The following AUTS2 variants were observed in gnomAD, a reference collection of about 807,000 sequenced individuals.
AUTS2 encodes activator of transcription and developmental regulator AUTS2.
A neutral mutation model predicts 112.4 loss-of-function variants in AUTS2; 17 were observed. The ratio of observed to expected loss-of-function variants is 0.15; its 90% CI spans 0.10 to 0.23. The LOEUF (loss-of-function observed/expected upper bound fraction) is 0.23. Ranked by LOEUF, AUTS2 falls within the 10% of genes least tolerant of loss-of-function variation. The pLI, the probability that AUTS2 is intolerant of heterozygous loss-of-function variation, is 1.00. For missense variants in AUTS2, 1,510 were observed against 1,701.6 expected (o/e 0.89, Z 1.98); for synonymous variants, 751 against 702.7 (o/e 1.07, Z -1.09).
chr7:70,307,248 G>A (rs778184528), intron 4 of AUTS2, among the ~76,000 whole-genome samples: 73 of 152,208 alleles, frequency 4.8e-4, no homozygotes, highest in Admixed American at 9.2e-4. Context: ...CCACTAGCAC[G>A]CAGTAGCTCA....
intron 1 of AUTS2, among the ~76,000 whole-genome samples, chr7:69,797,469 C>G (rs1207290962): frequency 6.6e-6 from 1 of 152,172 alleles, no homozygotes; most frequent in Non-Finnish European, 1.5e-5. Context: ...ACGTGAAGCT[C>G]TTAACTCCAT....
intron 1 of AUTS2, chr7:69,824,638 A>T (rs1377288435): frequency 6.6e-6 from 1 of 151,820 alleles, no homozygotes; most frequent in East Asian, 1.9e-4. Context: ...AAGCCACTGG[A>T]GTGTCTGCGT....
intron 5 of AUTS2, among the ~76,000 whole-genome samples, chr7:70,653,277 A>G (rs539481965): frequency 6.6e-6 from 1 of 152,284 alleles, no homozygotes; most frequent in African/African-American, 2.4e-5. Flanking sequence ...TCATACTTTT[A>G]TATTTTCTCT....
At chr7:70,368,768 CAA>C (rs1307575802) in intron 4 of AUTS2, among the ~76,000 whole-genome samples, 1 of 152,076 alleles carries the variant, frequency 6.6e-6, no homozygotes, top group Non-Finnish European at 1.5e-5. Context: ...AAGACCAGAA[CAA>C]TGAGTAGAGC....
chr7:70,483,253 C>G (rs1399703615), intron 5 of AUTS2, among the ~76,000 whole-genome samples: 3 of 152,162 alleles, frequency 2.0e-5, no homozygotes, highest in Non-Finnish European at 4.4e-5. Flanking sequence ...TGAGAGCTCC[C>G]TACCTAGGCT....
At chr7:69,892,602 G>T (rs1229962619) in intron 1 of AUTS2, among the ~76,000 whole-genome samples, 1 of 152,080 alleles carries the variant, frequency 6.6e-6, no homozygotes, top group East Asian at 1.9e-4. Context: ...ATCTTTTGAA[G>T]AGCAAAATTT....
intron 5 of AUTS2, among the ~76,000 whole-genome samples, chr7:70,555,518 A>G (rs1178124018): frequency 6.6e-6 from 1 of 151,982 alleles, no homozygotes; most frequent in Non-Finnish European, 1.5e-5. Context: ...TGGACCTGGG[A>G]CCCTCATATT....
intron 2 of AUTS2, among the ~76,000 whole-genome samples, chr7:69,900,897 A>T (rs1282881542): frequency 1.3e-5 from 2 of 152,182 alleles, no homozygotes; most frequent in African/African-American, 4.8e-5. Flanking sequence ...ACTATGCTAC[A>T]TTCAGTGAGG....
intron 4 of AUTS2, among the ~76,000 whole-genome samples, chr7:70,299,693 G>A (rs1180404888): frequency 6.6e-6 from 1 of 152,038 alleles, no homozygotes; most frequent in African/African-American, 2.4e-5. Context: ...TCTAGCTCAG[G>A]GTTTCCAAAC....
In AUTS2 at chr7:70,698,553, CCTT is replaced by C; in HGVS notation, c.691-12_691-10del. 1 of 1,596,664 alleles carries C rather than the reference CCTT, an allele frequency of 6.3e-7. No individual in the cohort carries two copies. The highest frequency in any genetic ancestry group is 2.2e-5 in the East Asian group (1 of 44,530). ...ATGACAATAATAATGCTTTTTTCCC[CCTT>C]CTTGTTTTTCAGGCATCAGATGCCA... On this transcript the variant is annotated splice_polypyrimidine_tract_variant and intron_variant, in intron 5 of 18. Transcript: ENST00000342771.
chr7:70,790,395 G>T lies in AUTS2; in HGVS notation c.3179G>T (p.Arg1060Leu). ...MGISPLPGGE[R>L]FPYPSFHWDP... is the part of the protein sequence containing the mutation. ...ATCAGCCCCCTCCCGGGCGGAGAGC[G>T]CTTCCCGTACCCTTCTTTCCACTGG... Residue 1060 changes from arginine (R) to leucine (L), a missense_variant, in exon 19 of 19, where the codon CGC (arginine) becomes CTC (leucine). This residue lies in a region of AUTS2 where 788 missense variants were observed against 797.6 expected (regional missense o/e 0.99). Coordinates refer to ENST00000342771, the MANE Select transcript of AUTS2 (RefSeq NM_015570.4). The surrounding 1 kb of genome is among the most constrained non-coding windows in gnomAD (Gnocchi z 7.6). 6.2e-7 allele frequency: 1 copy of T among 1,613,636 alleles called. No individual in the cohort carries two copies. Among genetic ancestry groups the T allele is most frequent in the Non-Finnish European group, 8.5e-7 (1 of 1,179,878 alleles).
In AUTS2 at chr7:70,631,382, C is replaced by T. The variant is rs755035510; in HGVS notation, c.691-67187C>T. ...AAGCATGTGCACATGCGTGTCTGCA[C>T]TGCTGTGTGCGTGTCGGGCATGCTG... On this transcript the variant is annotated intron_variant, in intron 5 of 18. Transcript: ENST00000342771. This position sits in a 1 kb window ranked among gnomAD's most constrained non-coding sequence, Gnocchi z 4.5. Among the ~76,000 whole-genome samples the T allele has an allele frequency of 6.6e-6, 1 of 152,192 alleles. No individual in the cohort carries two copies. Among genetic ancestry groups the T allele is most frequent in the Non-Finnish European group, 1.5e-5 (1 of 68,024 alleles).
chr7:70,284,247 A>G (rs1788356749), intron 4 of AUTS2, among the ~76,000 whole-genome samples: 2 of 152,226 alleles, frequency 1.3e-5, no homozygotes, highest in South Asian at 4.1e-4. Context: ...ATATCATTGT[A>G]TAGTAAAACA....
intron 2 of AUTS2, among the ~76,000 whole-genome samples, chr7:70,042,911 G>C (rs1801309120): frequency 6.6e-6 from 1 of 151,532 alleles, no homozygotes; most frequent in African/African-American, 2.4e-5. Context: ...GAGACATATT[G>C]CAACAATATG....
At chr7:69,695,267 C>T (rs1022486756) in intron 1 of AUTS2, among the ~76,000 whole-genome samples, 8 of 151,940 alleles carry the variant, frequency 5.3e-5, no homozygotes, top group African/African-American at 9.7e-5. Flanking sequence ...AGATCAAGGC[C>T]GCCGTGAACT....
chr7:69,808,880 A>T (rs987626429), intron 1 of AUTS2, among the ~76,000 whole-genome samples: 1 of 152,306 alleles, frequency 6.6e-6, no homozygotes, highest in South Asian at 2.1e-4. Context: ...CATGAGGGGT[A>T]CAGAACCAGG....
chr7:70,631,180 G>A lies in AUTS2; in HGVS notation c.691-67389G>A, dbSNP rs1434953928. Among the ~76,000 whole-genome samples, 3 of 152,134 alleles carry A rather than the reference G, an allele frequency of 2.0e-5. No individual in the cohort carries two copies. Among genetic ancestry groups the A allele is most frequent in the Non-Finnish European group, 4.4e-5 (3 of 68,022 alleles). On this transcript the variant is annotated intron_variant, in intron 5 of 18. Coordinates refer to ENST00000342771, the MANE Select transcript of AUTS2 (RefSeq NM_015570.4). The surrounding 1 kb of genome is among the most constrained non-coding windows in gnomAD (Gnocchi z 4.5). ...TGCCAGCCAGCTCCCACAAAAGCAC[G>A]ATTAAAATGTCAGCACAGGATGACG...
chr7:70,295,640 C>T (rs1443671498), intron 4 of AUTS2, among the ~76,000 whole-genome samples: 1 of 152,156 alleles, frequency 6.6e-6, no homozygotes, highest in Admixed American at 6.5e-5. Flanking sequence ...GTTACTCCAA[C>T]TCAACTGCTC....
At position 70,315,197 on chromosome 7, in the gene AUTS2, T is replaced by G. The variant is rs150094571; in HGVS notation, c.661-120555T>G. On this transcript the variant is annotated intron_variant, in intron 4 of 18. Coordinates refer to ENST00000342771, the MANE Select transcript of AUTS2 (RefSeq NM_015570.4). ...GATCTCTCTCATCCCATGGACTGCCTGACTTTGCCACTCCTTGTTCCCATC... is the reference window on the plus strand; with the variant it reads ...GATCTCTCTCATCCCATGGACTGCCGGACTTTGCCACTCCTTGTTCCCATC... Among the ~76,000 whole-genome samples, 44 of 152,352 alleles carry G rather than the reference T, an allele frequency of 2.9e-4. 3 individuals carry two copies. The East Asian group carries it at 8.1e-3, about 28-fold the overall frequency.
Sources: allele counts gnomAD v4.1 joint callset (sites outside exome capture counted in the v4.1 genomes callset), GRCh38; gene constraint gnomAD v4.1.1; regional missense constraint gnomAD v4.1.1; non-coding constraint Gnocchi (gnomAD v3.1); transcripts MANE v1.5; gene names NCBI Gene and HGNC (gene_info 2026-07-23, HGNC 2026-07-21).